Variants in NKAIN2 observed in about 807,000 individuals in gnomAD.
NKAIN2 encodes the protein sodium/potassium-transporting ATPase subunit beta-1-interacting protein 2.
Under a neutral mutation model 32.6 loss-of-function variants are expected in NKAIN2, and 14 were observed. The observed-to-expected ratio is 0.43, with a 90% confidence interval of 0.28 to 0.67. The LOEUF (loss-of-function observed/expected upper bound fraction) is 0.67. NKAIN2 is among the 30% of genes least tolerant of loss of function. The pLI, the probability that NKAIN2 is intolerant of heterozygous loss-of-function variation, is 0.17. For synonymous variants in NKAIN2, 80 were observed against 87.2 expected, an observed-to-expected ratio of 0.92 and a Z score of 0.46; for missense variants, 198 against 258.3, an observed-to-expected ratio of 0.77 and a Z score of 1.60.
intron 1 of NKAIN2, among the ~76,000 whole-genome samples, chr6:124,001,800 A>ATATATATATAT (rs1779885959): frequency 7.4e-6 from 1 of 135,142 alleles, no homozygotes; most frequent in Non-Finnish European, 1.6e-5. Context: ...CTTAGTTCTA[A>ATATATATATAT]ATATATATAT....
chr6:124,700,870 T>TCACACA (rs1562331736), intron 4 of NKAIN2, among the ~76,000 whole-genome samples: 10 of 114,696 alleles, frequency 8.7e-5, no homozygotes, highest in African/African-American at 3.5e-4. Flanking sequence ...GTCTCTTTCC[T>TCACACA]GACACACACA....
intron 1 of NKAIN2, among the ~76,000 whole-genome samples, chr6:124,169,958 A>C (rs1324832531): frequency 6.6e-6 from 1 of 152,168 alleles, no homozygotes; most frequent in Non-Finnish European, 1.5e-5. Flanking sequence ...AGATTTAGTT[A>C]GGGAACTTTG....
At chr6:124,707,724 G>A (rs2114590780) in intron 4 of NKAIN2, among the ~76,000 whole-genome samples, 1 of 151,878 alleles carries the variant, frequency 6.6e-6, no homozygotes, top group East Asian at 1.9e-4. Context: ...TGAGTCCATT[G>A]TAGATTCTGG....
intron 4 of NKAIN2, among the ~76,000 whole-genome samples, chr6:124,698,608 T>A (rs548291671): frequency 6.6e-6 from 1 of 152,204 alleles, no homozygotes; most frequent in African/African-American, 2.4e-5. Flanking sequence ...GCAGGATAAT[T>A]ACTTTGCTCT....
chr6:124,048,237 A>C (rs1394606209), intron 1 of NKAIN2, among the ~76,000 whole-genome samples: 2 of 151,994 alleles, frequency 1.3e-5, no homozygotes, highest in African/African-American at 4.8e-5. Context: ...GCTACACTCT[A>C]AATGCAAGGA....
chr6:124,331,345 C>CAAAA lies in NKAIN2; in HGVS notation c.193-23891_193-23888dup, dbSNP rs1162529828. Among the ~76,000 whole-genome samples, 98 of 20,816 alleles carry CAAAA rather than the reference C, an allele frequency of 4.7e-3. 2 individuals carry two copies. Among genetic ancestry groups the CAAAA allele is most frequent in the African/African-American group, 5.5e-3 (31 of 5,678 alleles). The allele number at this position is 20,816 out of a possible 152,430, so 13.7% of individuals were successfully genotyped here. On this transcript the variant is annotated intron_variant, in intron 2 of 6. Transcript: ENST00000368417. Reference sequence around the variant, plus strand: ...TGAAACCCTGTCTCTACTAAATATACAAAAAAAAAAAAAAAAAAAAAAAAA... The same window carrying CAAAA: ...TGAAACCCTGTCTCTACTAAATATACAAAAAAAAAAAAAAAAAAAAAAAAAAAAA...
intron 1 of NKAIN2, among the ~76,000 whole-genome samples, chr6:123,819,415 A>G (rs1277766866): frequency 6.6e-6 from 1 of 152,214 alleles, no homozygotes; most frequent in Non-Finnish European, 1.5e-5. Context: ...AGGATTGTTG[A>G]GAACTAACAA....
intron 4 of NKAIN2, among the ~76,000 whole-genome samples, chr6:124,767,102 G>T (rs1431657548): frequency 6.6e-6 from 1 of 151,900 alleles, no homozygotes; most frequent in Non-Finnish European, 1.5e-5. Flanking sequence ...CACCATGTCG[G>T]CCAGGCTGGT....
intron 1 of NKAIN2, among the ~76,000 whole-genome samples, chr6:124,216,270 G>A (rs1306278721): frequency 6.6e-6 from 1 of 152,136 alleles, no homozygotes; most frequent in Non-Finnish European, 1.5e-5. Context: ...ACTCCAGGTA[G>A]AGAAAAGTTG....
chr6:124,709,103 G>GTT (rs1775280304), intron 4 of NKAIN2, among the ~76,000 whole-genome samples: 1 of 126,354 alleles, frequency 7.9e-6, no homozygotes, highest in African/African-American at 3.1e-5. Flanking sequence ...TAATCATGTG[G>GTT]TTTTTGTCTT....
intron 3 of NKAIN2, among the ~76,000 whole-genome samples, chr6:124,410,648 G>C (rs1004372885): frequency 4.6e-5 from 7 of 152,154 alleles, no homozygotes; most frequent in African/African-American, 1.7e-4. Context: ...CATGTGGTGT[G>C]GTGCTGAAAA....
intron 1 of NKAIN2, among the ~76,000 whole-genome samples, chr6:124,020,274 A>G (rs957779317): frequency 6.6e-6 from 1 of 152,146 alleles, no homozygotes; most frequent in African/African-American, 2.4e-5. Flanking sequence ...AAATTAATGG[A>G]TATCACATCA....
chr6:124,410,442 C>T (rs483297), intron 3 of NKAIN2, among the ~76,000 whole-genome samples: 43,020 of 151,974 alleles, frequency 0.28, 6,258 homozygotes, highest in East Asian at 0.33. Context: ...GCCTTCATTT[C>T]GTTATGTACC....
At chr6:124,576,050 A>G (rs532024746) in intron 3 of NKAIN2, among the ~76,000 whole-genome samples, 1 of 152,338 alleles carries the variant, frequency 6.6e-6, no homozygotes, top group South Asian at 2.1e-4. Context: ...ATTCACATGA[A>G]GGAAAAAGAA....
chr6:124,354,768 A>G (rs75035670), intron 2 of NKAIN2, among the ~76,000 whole-genome samples: 2,649 of 146,062 alleles, frequency 0.018, 91 homozygotes, highest in African/African-American at 0.065. Context: ...GTGGATTACT[A>G]TTTTTTTTGT....
chr6:124,133,389 A>C (rs1344429172), intron 1 of NKAIN2, among the ~76,000 whole-genome samples: 1 of 152,088 alleles, frequency 6.6e-6, no homozygotes, highest in Non-Finnish European at 1.5e-5. Flanking sequence ...TGGCAAGGGG[A>C]GCTGAAGTAG....
At chr6:124,216,564 C>T (rs1791487683) in intron 1 of NKAIN2, among the ~76,000 whole-genome samples, 1 of 152,130 alleles carries the variant, frequency 6.6e-6, no homozygotes, top group African/African-American at 2.4e-5. Context: ...TTTAGTGTCA[C>T]ATTATTTTAC....
chr6:124,730,254 C>G (rs1776592326), intron 4 of NKAIN2, among the ~76,000 whole-genome samples: 2 of 99,462 alleles, frequency 2.0e-5, no homozygotes, highest in East Asian at 6.7e-4. Context: ...ATCGCCAAGT[C>G]AATCCTAAGC....
intron 1 of NKAIN2, among the ~76,000 whole-genome samples, chr6:124,106,833 C>A (rs1785142464): frequency 6.6e-6 from 1 of 152,116 alleles, no homozygotes; most frequent in Non-Finnish European, 1.5e-5. Context: ...TGAAATGCAG[C>A]AGTGAACAAA....
Sources: gnomAD v4.1 joint callset for allele counts (sites outside exome capture counted in the v4.1 genomes callset) on GRCh38, gnomAD v4.1.1 for gene constraint, MANE v1.5 for transcripts, NCBI Gene and HGNC (gene_info 2026-07-23, HGNC 2026-07-21) for gene names.